The following CCDC201 variants were observed in gnomAD, a reference collection of about 807,000 sequenced individuals.
CCDC201 encodes coiled-coil domain-containing protein 201.
Position 45,866,032 on chromosome 7 carries a change from A to G in CCDC201, c.477+4T>C, listed in dbSNP as rs1786666041. 1 of 156,356 alleles carries G rather than the reference A, an allele frequency of 6.4e-6. No homozygotes were observed. Among genetic ancestry groups the G allele is most frequent in the Non-Finnish European group, 1.4e-5 (1 of 70,322 alleles). 9.7% of individuals were successfully genotyped at this position (156,356 alleles called of 1,614,324 possible). A position where few individuals can be genotyped will look rare whatever the true frequency, so the allele number is the denominator to read the frequency against. ...GATGGGGCAGGGACAGGGTTAATGC[A>G]TACCGCAGCTGCCCGCTTCTTCGGG... On this transcript the variant is annotated splice_donor_region_variant and intron_variant, in intron 2 of 2. Transcript: ENST00000636578.
intron 2 of CCDC201, among the ~76,000 whole-genome samples, chr7:45,864,170 C>T (rs1278224643): frequency 6.6e-6 from 1 of 152,204 alleles, no homozygotes; most frequent in Admixed American, 6.5e-5. Context: ...GGCGCAGGCA[C>T]TGCCTGTCTG....
intron 1 of CCDC201, among the ~76,000 whole-genome samples, chr7:45,870,963 A>G (rs1786736296): frequency 6.6e-6 from 1 of 152,232 alleles, no homozygotes; most frequent in Non-Finnish European, 1.5e-5. Context: ...CTTTTATCAA[A>G]CAGAAACTGC....
At chr7:45,874,182 G>A (rs1172198088), upstream of CCDC201, among the ~76,000 whole-genome samples, 1 of 152,122 alleles carries the variant, frequency 6.6e-6, no homozygotes, top group Non-Finnish European at 1.5e-5. Context: ...AAAGTGCCAG[G>A]ATTACAGGTG....
chr7:45,870,145 C>T (rs1002763067), intron 1 of CCDC201, among the ~76,000 whole-genome samples: 1 of 152,214 alleles, frequency 6.6e-6, no homozygotes, highest in Non-Finnish European at 1.5e-5. Context: ...CCACATTTGG[C>T]ACTGCCAATT....
At chr7:45,872,602 C>T (rs1002561005) in intron 1 of CCDC201, among the ~76,000 whole-genome samples, 1 of 152,174 alleles carries the variant, frequency 6.6e-6, no homozygotes, top group East Asian at 1.9e-4. Context: ...TCTGACCCCA[C>T]CTGATGTCAC....
chr7:45,873,268 G>A (rs959044548), upstream of CCDC201, among the ~76,000 whole-genome samples: 1 of 131,658 alleles, frequency 7.6e-6, no homozygotes, highest in Admixed American at 8.0e-5. Flanking sequence ...GGGCACTTGC[G>A]CCCCACCCCC....
intron 1 of CCDC201, among the ~76,000 whole-genome samples, chr7:45,868,566 C>T (rs951102835): frequency 3.9e-5 from 6 of 152,040 alleles, no homozygotes; most frequent in East Asian, 3.9e-4. Flanking sequence ...TGGCTTCTCC[C>T]ACCTCATCCC....
At chr7:45,873,610 C>G (rs990597964), upstream of CCDC201, among the ~76,000 whole-genome samples, 3 of 152,200 alleles carry the variant, frequency 2.0e-5, no homozygotes, top group African/African-American at 7.2e-5. Context: ...ATTGGTATCA[C>G]CTAACGACTC....
chr7:45,860,531 T>G (rs80028683), exon 3 of CCDC201: 1 of 152,228 alleles, frequency 6.6e-6, no homozygotes, highest in Non-Finnish European at 1.5e-5. Context: ...TAAGTGAGCA[T>G]TGTTGGTGTT....
intron 1 of CCDC201, among the ~76,000 whole-genome samples, chr7:45,868,096 C>T (rs1786699288): frequency 6.6e-6 from 1 of 152,210 alleles, no homozygotes; most frequent in Non-Finnish European, 1.5e-5. Context: ...CTGGGAAGTT[C>T]TGGCTTGGGG....
chr7:45,870,129 T>C (rs868083930), intron 1 of CCDC201, among the ~76,000 whole-genome samples: 1 of 152,222 alleles, frequency 6.6e-6, no homozygotes, highest in African/African-American at 2.4e-5. Context: ...TGCTCCACAT[T>C]CTTACCCACA....
At chr7:45,864,984 A>G (rs1226733321) in intron 2 of CCDC201, among the ~76,000 whole-genome samples, 1 of 152,004 alleles carries the variant, frequency 6.6e-6, no homozygotes, top group African/African-American at 2.4e-5. Context: ...ACTCACCCCA[A>G]AATGAAACTC....
chr7:45,875,477 G>A (rs908246727), upstream of CCDC201, among the ~76,000 whole-genome samples: 6 of 151,252 alleles, frequency 4.0e-5, no homozygotes, highest in African/African-American at 1.2e-4. Context: ...ATTAACACAG[G>A]CACATATGTA....
intron 2 of CCDC201, among the ~76,000 whole-genome samples, 181 bp from the exon 3 acceptor site, chr7:45,863,352 C>T (rs1282484514): frequency 1.3e-5 from 2 of 152,148 alleles, no homozygotes; most frequent in Non-Finnish European, 2.9e-5. Flanking sequence ...CTGTGCCACC[C>T]AGAGGGCCCA....
chr7:45,880,092 C>T, the CCDC201 span, among the ~76,000 whole-genome samples: 3 of 151,894 alleles, frequency 2.0e-5, no homozygotes, highest in African/African-American at 7.3e-5. Context: ...TCTTCACACA[C>T]AAAAAAATAA....
rs183818606 is a variant in CCDC201, at chr7:45,870,184, T to G, written c.18+2806A>C. Among the ~76,000 whole-genome samples the G allele has an allele frequency of 1.1e-3, 160 of 152,326 alleles. 1 individual carries two copies. The highest frequency in any genetic ancestry group is 3.8e-3 in the African/African-American group (157 of 41,554). On this transcript the variant is annotated intron_variant, in intron 1 of 2. Coordinates refer to ENST00000636578, the Ensembl canonical transcript of CCDC201. Reference sequence around the variant, plus strand: ...AATTTTTAAAAAAGTTTTCTGACAGTCTAGTAGTGCATCTCATTTGCACAA... The same window carrying G: ...AATTTTTAAAAAAGTTTTCTGACAGGCTAGTAGTGCATCTCATTTGCACAA...
chr7:45,875,227 G>T (rs1253064941), upstream of CCDC201, among the ~76,000 whole-genome samples: 1 of 152,196 alleles, frequency 6.6e-6, no homozygotes, highest in African/African-American at 2.4e-5. Flanking sequence ...GGGAACAGTG[G>T]CTCACGCCTG....
upstream of CCDC201, among the ~76,000 whole-genome samples, chr7:45,877,580 C>T (rs1786826739): frequency 6.6e-6 from 1 of 152,158 alleles, no homozygotes; most frequent in South Asian, 2.1e-4. Flanking sequence ...GCACTACCTT[C>T]ACATGGTGGA....
chr7:45,883,853 G>T, the CCDC201 span, among the ~76,000 whole-genome samples: 40 of 152,054 alleles, frequency 2.6e-4, no homozygotes, highest in African/African-American at 8.4e-4. Flanking sequence ...CCTCCTTCAT[G>T]GCTGATCCTC....
Sources: allele counts gnomAD v4.1 joint callset (sites outside exome capture counted in the v4.1 genomes callset), GRCh38; gene constraint gnomAD v4.1.1; transcripts MANE v1.5; gene names NCBI Gene and HGNC (gene_info 2026-07-23, HGNC 2026-07-21).